The following ZPBP2 variants were observed in gnomAD, a reference collection of about 807,000 sequenced individuals.
The protein encoded by ZPBP2 is zona pellucida binding protein 2.
In ZPBP2, 34 loss-of-function variants were observed where a neutral mutation model predicts 37.5. That is an observed-to-expected ratio of 0.91 (90% confidence interval 0.69 to 1.21). The LOEUF (loss-of-function observed/expected upper bound fraction) is 1.21. Among genes scored for constraint, ZPBP2 ranks in the 50% most tolerant of loss-of-function variants. The probability of loss-of-function intolerance (pLI) is 0.00; values close to 1 mark genes in which losing one functional copy is unlikely to be tolerated. For missense variants in ZPBP2, 397 were observed against 413.5 expected, an observed-to-expected ratio of 0.96 and a Z score of 0.35; for synonymous variants, 143 against 138.4, an observed-to-expected ratio of 1.03 and a Z score of -0.23.
chr17:39,871,589 A>G lies in ZPBP2; in HGVS notation c.370A>G (p.Lys124Glu). ...TGTTAAAGCAGAAACTCAAGAAGAA[A>G]AAACAGTCAAAAAGAGATATGACTT... is the stretch of plus-strand genomic sequence containing the variant. ...KTVKAETQEEKTVKKRYDFMV... is the reference protein window; with the variant it reads ...KTVKAETQEEETVKKRYDFMV... The change falls in exon 4 of 8, where the codon AAA (lysine) becomes GAA (glutamate). Residue 124 changes from lysine to glutamate, a missense_variant. Coordinates refer to ENST00000348931, the MANE Select transcript of ZPBP2 (RefSeq NM_199321.3). The G allele has an allele frequency of 6.3e-7, 1 of 1,596,012 alleles. No individual in the cohort carries two copies. Among genetic ancestry groups the G allele is most frequent in the Admixed American group, 1.8e-5 (1 of 56,590 alleles).
At chr17:39,870,258 G>A (rs188014941) in intron 2 of ZPBP2, among the ~76,000 whole-genome samples, 1 of 152,010 alleles carries the variant, frequency 6.6e-6, no homozygotes, top group East Asian at 1.9e-4. Flanking sequence ...TCTTCAGGCT[G>A]GTCTCAAACT....
chr17:39,872,246 C>T (rs758278559), intron 4 of ZPBP2, 24 bp from the exon 5 acceptor site: 8 of 1,546,968 alleles, frequency 5.2e-6, no homozygotes, highest in South Asian at 1.2e-5. Flanking sequence ...TGTTTTCACT[C>T]TCATCTTTCT....
Position 39,873,043 on chromosome 17 carries a change from G to T in ZPBP2, c.626-1G>T, listed in dbSNP as rs1308762972. The T allele has an allele frequency of 2.5e-6, 4 of 1,609,462 alleles. No individual in the cohort carries two copies. The highest frequency in any genetic ancestry group is 1.7e-4 in the Middle Eastern group (1 of 6,058). ...GAGTCTATCATTTTTTTTCTCTTCA[G>T]TTAATCCTTTTGCGCCGGGGTGGAA... On this transcript the variant is annotated splice_acceptor_variant, in intron 5 of 7. Coordinates refer to ENST00000348931, the MANE Select transcript of ZPBP2 (RefSeq NM_199321.3). LOFTEE classifies it high-confidence loss of function.
chr17:39,874,284 C>T (rs764028595), intron 6 of ZPBP2, among the ~76,000 whole-genome samples: 13 of 152,140 alleles, frequency 8.5e-5, no homozygotes, highest in Non-Finnish European at 1.3e-4. Flanking sequence ...TGAGCCACCA[C>T]GCCCAGCCAA....
intron 2 of ZPBP2, 142 bp downstream of exon 2, chr17:39,868,756 C>T (rs2063347958): frequency 3.3e-6 from 3 of 914,216 alleles, no homozygotes; most frequent in Admixed American, 2.4e-5. Flanking sequence ...TGGCAGTTCA[C>T]GACGGTCGCA....
chr17:39,873,180 A>G (rs1369789567), intron 6 of ZPBP2, 54 bp downstream of exon 6: 2 of 1,557,780 alleles, frequency 1.3e-6, no homozygotes, highest in Non-Finnish European at 8.7e-7. Context: ...TTTTAGAGAC[A>G]GGGTGTCACC....
intron 4 of ZPBP2, 64 bp from the exon 5 acceptor site, chr17:39,872,201 ATTGTT>A: frequency 8.1e-7 from 1 of 1,236,566 alleles, no homozygotes; most frequent in South Asian, 1.5e-5. Flanking sequence ...GTATTTGAAA[ATTGTT>A]TGGTAGAGGA....
chr17:39,873,026 C>A lies in ZPBP2; in HGVS notation c.626-18C>A. On this transcript the variant is annotated intron_variant, in intron 5 of 7. Transcript: ENST00000348931. ...TTTCAGAATCCCTTTGTGAGTCTAT[C>A]ATTTTTTTTCTCTTCAGTTAATCCT... 2 of 1,607,406 alleles carry A rather than the reference C, an allele frequency of 1.2e-6. No homozygotes were observed. Among genetic ancestry groups the A allele is most frequent in the Non-Finnish European group, 1.7e-6 (2 of 1,176,124 alleles).
intron 2 of ZPBP2, 78 bp from the exon 3 acceptor site, chr17:39,870,616 G>A (rs1598261986): frequency 1.2e-6 from 1 of 856,820 alleles, no homozygotes; most frequent in East Asian, 3.3e-5. Flanking sequence ...CGTGTCTTCA[G>A]CACAAAATGG....
chr17:39,868,712 G>A, intron 2 of ZPBP2, 98 bp downstream of exon 2: 1 of 1,378,764 alleles, frequency 7.3e-7, no homozygotes, highest in Non-Finnish European at 1.0e-6. Context: ...ACGAGCCAGC[G>A]TTTATTGAGC....
At chr17:39,872,167 A>T (rs2063367591) in intron 4 of ZPBP2, 103 bp from the exon 5 acceptor site, 4 of 818,822 alleles carry the variant, frequency 4.9e-6, no homozygotes, top group Non-Finnish European at 7.4e-6. Context: ...TGACTGCAAG[A>T]TTGATGGGAT....
intron 6 of ZPBP2, among the ~76,000 whole-genome samples, chr17:39,874,725 GC>G (rs1463317064): frequency 2.0e-5 from 3 of 150,208 alleles, no homozygotes; most frequent in Non-Finnish European, 4.4e-5. Context: ...GAGCCACCAC[GC>G]CCAGCCTAAT....
chr17:39,870,791 G>C lies in ZPBP2; in HGVS notation c.216G>C (p.Trp72Cys). 2 of 1,562,890 alleles carry C rather than the reference G, an allele frequency of 1.3e-6. No individual in the cohort carries two copies. Among genetic ancestry groups the C allele is most frequent in the Non-Finnish European group, 1.7e-6 (2 of 1,147,508 alleles). Residue 72 changes from tryptophan (W) to cysteine (C), a missense_variant, in exon 3 of 8, where the codon TGG (tryptophan) becomes TGC (cysteine). Coordinates refer to ENST00000348931, the MANE Select transcript of ZPBP2 (RefSeq NM_199321.3). Reference protein sequence around the residue: ...KKEIVDPTYLWIGPNEKTLTG... With the variant: ...KKEIVDPTYLCIGPNEKTLTG... ...AAATAGTGGACCCCACCTACTTATG[G>C]ATTGGGCCTAATGAAAAGACGTTAA... is the stretch of plus-strand genomic sequence containing the variant.
intron 2 of ZPBP2, among the ~76,000 whole-genome samples, chr17:39,869,875 G>A (rs1170930808): frequency 6.6e-6 from 1 of 151,362 alleles, no homozygotes; most frequent in African/African-American, 2.4e-5. Flanking sequence ...ACCATGCCTG[G>A]CAAATTTTTT....
intron 1 of ZPBP2, 44 bp downstream of exon 1, chr17:39,868,450 G>T: frequency 6.2e-7 from 1 of 1,611,882 alleles, no homozygotes; most frequent in Non-Finnish European, 8.5e-7. Flanking sequence ...CCCTCTGCCC[G>T]AGCTTCCCGG....
At chr17:39,868,864 G>A (rs1037494409) in intron 2 of ZPBP2, among the ~76,000 whole-genome samples, 2 of 152,160 alleles carry the variant, frequency 1.3e-5, no homozygotes, top group Non-Finnish European at 2.9e-5. Flanking sequence ...TCTCTCAGAT[G>A]CCATCTCACT....
At chr17:39,869,410 T>C (rs2063351452) in intron 2 of ZPBP2, among the ~76,000 whole-genome samples, 18 of 145,036 alleles carry the variant, frequency 1.2e-4, no homozygotes, top group Admixed American at 7.5e-4. Flanking sequence ...TCCTTCTTTT[T>C]TTTTTTTTTT....
rs767703454 is a variant in ZPBP2 at position 39,871,593 on chromosome 17, C to G, written c.374C>G (p.Thr125Arg). The G allele has an allele frequency of 6.3e-7, 1 of 1,593,958 alleles. No individual in the cohort carries two copies. Among genetic ancestry groups the G allele is most frequent in the African/African-American group, 1.4e-5 (1 of 73,850 alleles). The change falls in exon 4 of 8, where the codon ACA becomes AGA. Residue 125 changes from threonine (T) to arginine (R), a missense_variant. Thr to Arg is a moderately conservative substitution (Grantham distance 71). Coordinates refer to ENST00000348931, the MANE Select transcript of ZPBP2 (RefSeq NM_199321.3). ...AAAGCAGAAACTCAAGAAGAAAAAACAGTCAAAAAGAGATATGACTTTATG... is the reference window on the plus strand; with the variant it reads ...AAAGCAGAAACTCAAGAAGAAAAAAGAGTCAAAAAGAGATATGACTTTATG... ...TVKAETQEEKTVKKRYDFMVF... is the reference protein window; with the variant it reads ...TVKAETQEEKRVKKRYDFMVF...
At chr17:39,872,153 A>G in intron 4 of ZPBP2, 117 bp from the exon 5 acceptor site, 1 of 716,928 alleles carries the variant, frequency 1.4e-6, no homozygotes, top group Non-Finnish European at 2.2e-6. Context: ...TTATGTTTCT[A>G]TGCTGACTGC....
Sources: allele counts gnomAD v4.1 joint callset (sites outside exome capture counted in the v4.1 genomes callset), GRCh38; gene constraint gnomAD v4.1.1; transcripts MANE v1.5; gene names NCBI Gene and HGNC (gene_info 2026-07-23, HGNC 2026-07-21).